Variants in EYA1 observed in about 807,000 individuals in gnomAD.
EYA1 encodes the protein protein phosphatase EYA1.
EYA1 carries 16 observed loss-of-function variants against 82.0 expected under a neutral mutation model. That is an observed-to-expected ratio of 0.20 (90% CI 0.13 to 0.30). EYA1 has a LOEUF of 0.30. Among genes scored for constraint, EYA1 ranks in the 10% least tolerant of loss-of-function variants. The pLI, the probability that EYA1 is intolerant of heterozygous loss-of-function variation, is 1.00. For missense variants in EYA1, 633 were observed against 730.7 expected (o/e 0.87, Z 1.54); for synonymous variants, 261 against 264.4 (o/e 0.99, Z 0.12).
At chr8:71,346,878 T>C (rs1825798335) in intron 3 of EYA1, among the ~76,000 whole-genome samples, 1 of 152,218 alleles carries the variant, frequency 6.6e-6, no homozygotes, top group African/African-American at 2.4e-5. Flanking sequence ...CATTCATGTA[T>C]ATTATATACT....
At chr8:71,509,144 C>T (rs533631600) in intron 2 of EYA1, among the ~76,000 whole-genome samples, 36 of 152,066 alleles carry the variant, frequency 2.4e-4, no homozygotes, top group African/African-American at 8.4e-4. Flanking sequence ...CCAGAGAATC[C>T]CTTGAGCCCA....
intron 3 of EYA1, among the ~76,000 whole-genome samples, chr8:71,346,999 A>G (rs1825807758): frequency 6.6e-6 from 1 of 152,214 alleles, no homozygotes; most frequent in Admixed American, 6.5e-5. Context: ...GCTTCGAGAA[A>G]CTTAGAAACT....
intron 11 of EYA1, among the ~76,000 whole-genome samples, chr8:71,267,196 C>G (rs1815942739): frequency 1.3e-5 from 2 of 152,210 alleles, no homozygotes; most frequent in Admixed American, 6.5e-5. Context: ...CTGTGTGTGG[C>G]TGGGAGGCCC....
chr8:71,199,613 A>AG (rs1806683188), intron 17 of EYA1, among the ~76,000 whole-genome samples, 193 bp from the exon 18 acceptor site: 1 of 152,250 alleles, frequency 6.6e-6, no homozygotes, highest in South Asian at 2.1e-4. Context: ...ACTGAGTTGT[A>AG]AAATGTAATC....
At chr8:71,278,656 C>T (rs907022910) in intron 9 of EYA1, among the ~76,000 whole-genome samples, 14 of 152,184 alleles carry the variant, frequency 9.2e-5, no homozygotes, top group Admixed American at 7.8e-4. Flanking sequence ...ACTGATACTT[C>T]TCCCAGCCTG....
At chr8:71,226,314 C>T (rs1466099873) in intron 12 of EYA1, among the ~76,000 whole-genome samples, 1 of 151,870 alleles carries the variant, frequency 6.6e-6, no homozygotes, top group East Asian at 1.9e-4. Context: ...TACAGAATCC[C>T]AAAGGTATCA....
At chr8:71,240,891 A>C (rs929921187) in intron 12 of EYA1, among the ~76,000 whole-genome samples, 1 of 151,986 alleles carries the variant, frequency 6.6e-6, no homozygotes, top group African/African-American at 2.4e-5. Context: ...AACAGAAAGA[A>C]CTCTTTCTCC....
intron 4 of EYA1, among the ~76,000 whole-genome samples, chr8:71,330,851 T>TG (rs1823757742): frequency 2.0e-5 from 3 of 147,022 alleles, no homozygotes; most frequent in South Asian, 2.2e-4. Flanking sequence ...CCTTGATTTC[T>TG]TGTGTGTGTG....
At chr8:71,329,766 A>G (rs775317984) in intron 4 of EYA1, among the ~76,000 whole-genome samples, 20 of 152,226 alleles carry the variant, frequency 1.3e-4, no homozygotes, top group Non-Finnish European at 2.4e-4. Context: ...AACAAGACAG[A>G]ATCCCTGCCA....
intron 11 of EYA1, among the ~76,000 whole-genome samples, chr8:71,252,926 TG>T (rs948552268): frequency 8.5e-5 from 13 of 152,130 alleles, no homozygotes; most frequent in African/African-American, 3.1e-4. Flanking sequence ...AACAAATGAC[TG>T]GGGGGAATAG....
At chr8:71,343,408 A>C (rs926906759) in intron 3 of EYA1, among the ~76,000 whole-genome samples, 1 of 152,220 alleles carries the variant, frequency 6.6e-6, no homozygotes, top group African/African-American at 2.4e-5. Flanking sequence ...TAATTGGATC[A>C]CAAGCGCTCC....
At chr8:71,383,065 C>T (rs955194724) in intron 2 of EYA1, among the ~76,000 whole-genome samples, 4 of 150,134 alleles carry the variant, frequency 2.7e-5, no homozygotes, top group African/African-American at 4.9e-5. Flanking sequence ...GTAATGTATC[C>T]TCAGTTACAT....
chr8:71,234,861 T>C (rs1811641816), intron 12 of EYA1, among the ~76,000 whole-genome samples: 1 of 152,160 alleles, frequency 6.6e-6, no homozygotes, highest in Admixed American at 6.5e-5. Context: ...GTTGAATATG[T>C]ATTTCATACT....
At chr8:71,293,486 T>C (rs1023886812) in intron 9 of EYA1, among the ~76,000 whole-genome samples, 1 of 152,090 alleles carries the variant, frequency 6.6e-6, no homozygotes, top group African/African-American at 2.4e-5. Flanking sequence ...TTACAAGATA[T>C]GAAAACTAGA....
At chr8:71,456,819 C>T (rs1247937143) in intron 2 of EYA1, among the ~76,000 whole-genome samples, 1 of 152,062 alleles carries the variant, frequency 6.6e-6, no homozygotes, top group Non-Finnish European at 1.5e-5. Flanking sequence ...AGAAGAAAAC[C>T]TAGGCAATAC....
chr8:71,467,956 A>G (rs1808900175), intron 2 of EYA1, among the ~76,000 whole-genome samples: 1 of 152,118 alleles, frequency 6.6e-6, no homozygotes, highest in Non-Finnish European at 1.5e-5. Flanking sequence ...GAACACTAGC[A>G]GGAAAGGTGT....
intron 2 of EYA1, among the ~76,000 whole-genome samples, chr8:71,522,136 C>T (rs1813447223): frequency 1.3e-5 from 2 of 152,242 alleles, no homozygotes; most frequent in African/African-American, 4.8e-5. Context: ...AAAAATATAG[C>T]AAGGTTTCAT....
chr8:71,380,895 T>A (rs2129099944), intron 2 of EYA1, among the ~76,000 whole-genome samples: 1 of 152,338 alleles, frequency 6.6e-6, no homozygotes, highest in African/African-American at 2.4e-5. Context: ...TCTCCTGTCC[T>A]CAACCTCTGA....
chr8:71,534,231 AT>A (rs1470697244), intron 2 of EYA1, among the ~76,000 whole-genome samples: 2 of 152,230 alleles, frequency 1.3e-5, no homozygotes, highest in African/African-American at 4.8e-5. Flanking sequence ...TTTTTCATTA[AT>A]TTTATATGAG....
Sources: allele counts gnomAD v4.1 joint callset (sites outside exome capture counted in the v4.1 genomes callset), GRCh38; gene constraint gnomAD v4.1.1; transcripts MANE v1.5; gene names NCBI Gene and HGNC (gene_info 2026-07-23, HGNC 2026-07-21).